The following ABLIM1 variants were observed in gnomAD, a reference collection of about 807,000 sequenced individuals.
The protein encoded by ABLIM1 is actin binding LIM protein 1.
ABLIM1 carries 40 observed loss-of-function variants against 107.0 expected under a neutral mutation model. The ratio of observed to expected loss-of-function variants is 0.37; its 90% CI spans 0.29 to 0.49. The LOEUF (loss-of-function observed/expected upper bound fraction) is 0.49. Among genes scored for constraint, ABLIM1 ranks in the 20% least tolerant of loss-of-function variants. ABLIM1 has a pLI of 0.97. For synonymous variants in ABLIM1, 357 were observed against 357.3 expected (o/e 1.00, Z 0.01); for missense variants, 857 against 1,008.5 (o/e 0.85, Z 2.04).
upstream of ABLIM1, among the ~76,000 whole-genome samples, chr10:114,659,027 C>A (rs2079659930): frequency 6.6e-6 from 1 of 152,190 alleles, no homozygotes. Context: ...AGATGCAGTA[C>A]AAAATGTGAC....
chr10:114,571,865 GTGA>G (rs1219347692), intron 3 of ABLIM1, among the ~76,000 whole-genome samples: 2 of 152,194 alleles, frequency 1.3e-5, no homozygotes, highest in Non-Finnish European at 2.9e-5. Flanking sequence ...CTAGACCTCT[GTGA>G]TGATTATGCA....
At chr10:114,758,906 G>A (rs2082686514) in intron 1 of ABLIM1, among the ~76,000 whole-genome samples, 1 of 152,088 alleles carries the variant, frequency 6.6e-6, no homozygotes, top group African/African-American at 2.4e-5. Context: ...ATGTTAAAGA[G>A]CTGGAGAAAG....
chr10:114,575,461 A>G lies in ABLIM1; in HGVS notation c.518T>C (p.Leu173Pro). Residue 173 changes from leucine (L) to proline (P), a missense_variant, in exon 3 of 23, where the codon CTG (leucine) becomes CCG (proline). Physicochemically the swap from Leu to Pro is moderately conservative, Grantham distance 98 (BLOSUM62 -3). Around this residue, in one of 5 missense-constraint regions of ABLIM1, gnomAD observed 381 missense variants for 506.9 expected, o/e 0.75. Transcript: ENST00000533213. ...GCAATTGGGATGGTAGGTCTTGCCC[A>G]GAGCAGTCACCACTTCGCCCTCCAC... is the stretch of plus-strand genomic sequence containing the variant. ...EFVEGEVVTA[L>P]GKTYHPNCFA... 6.2e-7 allele frequency: 1 copy of G among 1,614,204 alleles called. No homozygotes were observed. The highest frequency in any genetic ancestry group is 8.5e-7 in the Non-Finnish European group (1 of 1,180,026).
In ABLIM1 at chr10:114,765,245, C is replaced by A. The variant is rs549100505; in HGVS notation, c.-213+2816G>T. 3.1e-4 allele frequency among the ~76,000 whole-genome samples: 47 copies of A among 152,054 alleles called. No homozygotes were observed. The South Asian group carries it at 5.0e-3, about 16-fold the overall frequency. Reference sequence around the variant, plus strand: ...TATTTTTAGTAGAGATGGGGTTTCACCATATTGGCCAGGCTGGTCTCAAAC... The same window carrying A: ...TATTTTTAGTAGAGATGGGGTTTCAACATATTGGCCAGGCTGGTCTCAAAC... On this transcript the variant is annotated intron_variant, in intron 1 of 15. Transcript: ENST00000651092.
Position 114,644,753 on chromosome 10 carries a change from C to T in ABLIM1, c.244+13204G>A, listed in dbSNP as rs528182517. On this transcript the variant is annotated intron_variant, in intron 1 of 22. Coordinates refer to ENST00000533213, the MANE Select transcript of ABLIM1 (RefSeq NM_002313.7). ...TGAAGTTAGAGAAACATATAAAAGT[C>T]CCAGTCAGTGATGGATATTCACCTT... Among the ~76,000 whole-genome samples the T allele has an allele frequency of 2.2e-4, 33 of 152,282 alleles. No homozygotes were observed. The South Asian group carries it at 5.6e-3, about 26-fold the overall frequency.
rs112082946 is a variant in ABLIM1, at chr10:114,714,717, C to A, written c.-213+53344G>T. Among the ~76,000 whole-genome samples the A allele has an allele frequency of 9.9e-5, 15 of 152,246 alleles. No individual in the cohort carries two copies. The East Asian group carries it at 2.7e-3, about 27-fold the overall frequency. ...TTGGCTTGGTTTCAAGCAGGCTGCA[C>A]GGAAGTCAATAGCAGATTATGGTAT... On this transcript the variant is annotated intron_variant, in intron 1 of 15. Transcript: ENST00000651092.
chr10:114,595,739 A>C (rs1470481561), intron 2 of ABLIM1, among the ~76,000 whole-genome samples: 1 of 152,200 alleles, frequency 6.6e-6, no homozygotes, highest in Non-Finnish European at 1.5e-5. Flanking sequence ...CCACCCGGGT[A>C]CATTTTCTGA....
intron 1 of ABLIM1, among the ~76,000 whole-genome samples, chr10:114,663,777 C>A (rs2079892488): frequency 2.0e-5 from 3 of 152,180 alleles, no homozygotes; most frequent in African/African-American, 7.2e-5. Context: ...GCTGTCCTTG[C>A]TGGTGGGATA....
chr10:114,490,481 T>C (rs2058763480), intron 7 of ABLIM1, among the ~76,000 whole-genome samples: 1 of 152,202 alleles, frequency 6.6e-6, no homozygotes, highest in South Asian at 2.1e-4. Context: ...CAGGTACACA[T>C]AGTGCCATGT....
chr10:114,551,757 T>C (rs1461922780), intron 4 of ABLIM1, among the ~76,000 whole-genome samples: 1 of 152,222 alleles, frequency 6.6e-6, no homozygotes, highest in Non-Finnish European at 1.5e-5. Flanking sequence ...GAGGGCTTTC[T>C]AGAATCAGGT....
At chr10:114,657,749 C>G (rs2079591191) in intron 1 of ABLIM1, among the ~76,000 whole-genome samples, 2 of 152,154 alleles carry the variant, frequency 1.3e-5, no homozygotes. Flanking sequence ...ATCATAAAAT[C>G]CTGGACAAAA....
chr10:114,491,012 G>GTGTATATATATATATATATATATA, intron 7 of ABLIM1, among the ~76,000 whole-genome samples: 6 of 92,386 alleles, frequency 6.5e-5, no homozygotes, highest in East Asian at 5.1e-4. Context: ...GTGTGTGTGT[G>GTGTATATATATATATATATATATA]TATATATATA....
At chr10:114,639,372 C>T (rs984340404) in intron 1 of ABLIM1, among the ~76,000 whole-genome samples, 8 of 152,216 alleles carry the variant, frequency 5.3e-5, no homozygotes, top group Non-Finnish European at 8.8e-5. Flanking sequence ...CTAAAGCAGA[C>T]GTGTCCATGG....
In ABLIM1 at chr10:114,615,358, T is replaced by C. The variant is rs2077065228; in HGVS notation, c.245-13397A>G. On this transcript the variant is annotated intron_variant, in intron 1 of 22. Coordinates refer to ENST00000533213, the MANE Select transcript of ABLIM1 (RefSeq NM_002313.7). ...CCCAGAAGGCTCTTCCCCAGCTGTTTGCGAGCCCAGCTCCCTCTCCTCCTT... is the reference window on the plus strand; with the variant it reads ...CCCAGAAGGCTCTTCCCCAGCTGTTCGCGAGCCCAGCTCCCTCTCCTCCTT... Among the ~76,000 whole-genome samples the C allele has an allele frequency of 4.6e-5, 7 of 152,260 alleles. No homozygotes were observed. The Middle Eastern group carries it at 0.017, about 370-fold the overall frequency.
upstream of ABLIM1, among the ~76,000 whole-genome samples, chr10:114,771,154 C>A (rs888870208): frequency 6.6e-6 from 1 of 152,004 alleles, no homozygotes; most frequent in African/African-American, 2.4e-5. Context: ...AATATCTAGT[C>A]TTTTTCTCTA....
At chr10:114,601,465 T>G (rs544250190) in intron 2 of ABLIM1, among the ~76,000 whole-genome samples, 17 of 152,050 alleles carry the variant, frequency 1.1e-4, no homozygotes, top group Non-Finnish European at 2.2e-4. Flanking sequence ...GGGGTTTCAC[T>G]GTGTTGGCCA....
At chr10:114,719,538 C>T (rs1036693688) in intron 1 of ABLIM1, among the ~76,000 whole-genome samples, 9 of 152,224 alleles carry the variant, frequency 5.9e-5, no homozygotes, top group African/African-American at 1.9e-4. Flanking sequence ...GGGAAAGATT[C>T]GTGACCTTTG....
At chr10:114,474,675 C>G (rs796069508) in intron 8 of ABLIM1, among the ~76,000 whole-genome samples, 3 of 152,306 alleles carry the variant, frequency 2.0e-5, no homozygotes, top group African/African-American at 7.2e-5. Context: ...CCACCGCACT[C>G]AGCCGAGAGA....
intron 7 of ABLIM1, among the ~76,000 whole-genome samples, chr10:114,490,651 G>A (rs2058780175): frequency 6.6e-6 from 1 of 151,930 alleles, no homozygotes; most frequent in Non-Finnish European, 1.5e-5. Context: ...TGCTTACACA[G>A]ATGGTGCTGT....
Sources: gnomAD v4.1 joint callset for allele counts (sites outside exome capture counted in the v4.1 genomes callset) on GRCh38, gnomAD v4.1.1 for gene constraint, gnomAD v4.1.1 regional missense constraint, MANE v1.5 for transcripts, NCBI Gene and HGNC (gene_info 2026-07-23, HGNC 2026-07-21) for gene names.